Variants in TJP1 observed in about 807,000 individuals in gnomAD.
The protein encoded by TJP1 is tight junction protein 1.
Under a neutral mutation model 194.2 loss-of-function variants are expected in TJP1, and 43 were observed. That is an observed-to-expected ratio of 0.22 (90% CI 0.17 to 0.29). The LOEUF is 0.29. Among genes scored for constraint, TJP1 ranks in the 10% least tolerant of loss-of-function variants. The probability of loss-of-function intolerance (pLI) is 1.00; values close to 1 mark genes in which losing one functional copy is unlikely to be tolerated. For missense variants in TJP1, 1,971 were observed against 2,185.7 expected, an observed-to-expected ratio of 0.90 and a Z score of 1.96; for synonymous variants, 801 against 779.0, an observed-to-expected ratio of 1.03 and a Z score of -0.47.
chr15:29,796,082 C>G (rs920424437), intron 2 of TJP1, among the ~76,000 whole-genome samples: 1 of 151,458 alleles, frequency 6.6e-6, no homozygotes, highest in African/African-American at 2.4e-5. Context: ...AAAAAAAAAA[C>G]CACTTACTGG....
In TJP1 at chr15:29,933,780, C is replaced by G. The variant is rs188464201; in HGVS notation, c.306+22452G>C. The stretch of plus-strand genomic sequence containing the variant: ...AAGATGCTGGGAAGAGAGAAGTAAA[C>G]AAAAACACAAATGCCTGAAAGCAGA... On this transcript the variant is annotated intron_variant, in intron 2 of 28. Coordinates refer to the TJP1 transcript ENST00000356107. Among the ~76,000 whole-genome samples, 24 of 152,104 alleles carry G rather than the reference C, an allele frequency of 1.6e-4. No homozygotes were observed. In the East Asian group the frequency reaches 2.9e-3, roughly 18 times the overall value.
intron 2 of TJP1, among the ~76,000 whole-genome samples, chr15:29,942,679 C>T (rs1296437364): frequency 6.6e-6 from 1 of 152,214 alleles, no homozygotes; most frequent in East Asian, 1.9e-4. Context: ...GACTCCTTTA[C>T]CACACAGCGG....
chr15:29,727,857 T>C, intron 16 of TJP1, 80 bp downstream of exon 16: 1 of 1,211,104 alleles, frequency 8.3e-7, no homozygotes, highest in East Asian at 2.4e-5. Flanking sequence ...AAAACTACCT[T>C]CTACTTTCAA....
intron 2 of TJP1, among the ~76,000 whole-genome samples, chr15:29,844,340 A>T (rs554350093): frequency 6.6e-6 from 1 of 152,286 alleles, no homozygotes; most frequent in Non-Finnish European, 1.5e-5. Flanking sequence ...AAGTTCTGGG[A>T]TTACAGGCAT....
chr15:29,926,444 T>C (rs914189653), intron 2 of TJP1, among the ~76,000 whole-genome samples: 4 of 152,018 alleles, frequency 2.6e-5, no homozygotes, highest in Non-Finnish European at 5.9e-5. Context: ...AAACCGTCTC[T>C]ACAAAAAAAT....
intron 23 of TJP1, among the ~76,000 whole-genome samples, chr15:29,711,321 T>C (rs1278722674): frequency 6.6e-6 from 1 of 152,178 alleles, no homozygotes; most frequent in Non-Finnish European, 1.5e-5. Context: ...TAAGAAAGTC[T>C]TGCAAATATT....
intron 2 of TJP1, among the ~76,000 whole-genome samples, chr15:29,835,334 A>G (rs146151569): frequency 6.6e-6 from 1 of 152,368 alleles, no homozygotes; most frequent in African/African-American, 2.4e-5. Flanking sequence ...AAAGTTTTAT[A>G]AAAGCTGGGC....
At chr15:29,867,364 C>T (rs936649879) in intron 2 of TJP1, among the ~76,000 whole-genome samples, 1 of 152,178 alleles carries the variant, frequency 6.6e-6, no homozygotes, top group Admixed American at 6.5e-5. Context: ...AAGGGCAAAA[C>T]AGTAAAACTG....
Position 29,858,957 on chromosome 15 carries a change from C to T in TJP1, c.307-58255G>A, listed in dbSNP as rs78971912. On this transcript the variant is annotated intron_variant, in intron 2 of 28. Coordinates refer to the TJP1 transcript ENST00000356107. ...ATCCTCCAGCCTCAGCCTCCCATAA[C>T]GCTGGGATTACTAGTACGAGCCACT... is the stretch of plus-strand genomic sequence containing the variant. Among the ~76,000 whole-genome samples the T allele has an allele frequency of 5.7e-3, 867 of 152,172 alleles. 50 individuals carry two copies. In the East Asian group the frequency reaches 0.13, roughly 23 times the overall value.
intron 2 of TJP1, among the ~76,000 whole-genome samples, chr15:29,897,455 C>T (rs1239974180): frequency 1.3e-5 from 2 of 152,148 alleles, no homozygotes; most frequent in East Asian, 3.9e-4. Flanking sequence ...TGTGCTAGGG[C>T]AGTGTGGAAG....
At chr15:29,715,546 C>T (rs2042511791) in intron 23 of TJP1, among the ~76,000 whole-genome samples, 1 of 152,150 alleles carries the variant, frequency 6.6e-6, no homozygotes, top group South Asian at 2.1e-4. Context: ...CCAAGATAAT[C>T]CCAAGCCCAC....
chr15:29,960,935 G>C (rs2056133206), intron 1 of TJP1, among the ~76,000 whole-genome samples: 1 of 152,190 alleles, frequency 6.6e-6, no homozygotes, highest in Non-Finnish European at 1.5e-5. Context: ...TCTGGTGTAA[G>C]TAGAAGTGCT....
At chr15:29,755,738 A>G (rs932917995) in intron 8 of TJP1, among the ~76,000 whole-genome samples, 3 of 152,218 alleles carry the variant, frequency 2.0e-5, no homozygotes, top group South Asian at 2.1e-4. Context: ...CAAACACTTT[A>G]GAAAACAGTT....
At chr15:29,957,909 G>A (rs759514070) in intron 1 of TJP1, among the ~76,000 whole-genome samples, 2 of 152,028 alleles carry the variant, frequency 1.3e-5, no homozygotes, top group African/African-American at 2.4e-5. Context: ...TAAATACAAG[G>A]GCAACTTTAT....
At chr15:29,968,642 C>T (rs1596342450) in intron 1 of TJP1, 1 of 1,026,632 alleles carries the variant, frequency 9.7e-7, no homozygotes, top group African/African-American at 1.7e-5. Context: ...CCGGCTGGGG[C>T]TCCGCGCCCG....
chr15:29,787,175 T>A (rs1024385560), intron 2 of TJP1, among the ~76,000 whole-genome samples: 3 of 152,178 alleles, frequency 2.0e-5, no homozygotes, highest in African/African-American at 7.2e-5. Flanking sequence ...TATGATTCAA[T>A]GGTTTTTAGT....
intron 2 of TJP1, among the ~76,000 whole-genome samples, chr15:29,932,502 T>C (rs760874623): frequency 1.3e-5 from 2 of 151,828 alleles, no homozygotes; most frequent in Non-Finnish European, 2.9e-5. Context: ...GACTCAAATG[T>C]AAAAAGCAAA....
chr15:29,708,469 C>G lies in TJP1; in HGVS notation c.4850+90G>C, dbSNP rs2042041355. On this transcript the variant is annotated intron_variant, in intron 25 of 27. Coordinates refer to ENST00000614355, the MANE Select transcript of TJP1 (RefSeq NM_001330239.4). ...AGTTTAAAGGTTGAGTTAAAAAGAT[C>G]ACTTTAAAGTCCCAAGTCAAATAAA... The G allele has an allele frequency of 2.9e-6, 3 of 1,052,242 alleles. No homozygotes were observed. The Admixed American group carries it at 6.6e-5, about 23-fold the overall frequency. The allele number at this position is 1,052,242 out of a possible 1,614,324, so 65.2% of individuals were successfully genotyped here.
intron 2 of TJP1, among the ~76,000 whole-genome samples, chr15:29,935,476 C>A (rs530192833): frequency 6.6e-6 from 1 of 152,220 alleles, no homozygotes; most frequent in East Asian, 1.9e-4. Flanking sequence ...ATGACTAGGA[C>A]AGGACAGTCA....
Sources: allele counts gnomAD v4.1 joint callset (sites outside exome capture counted in the v4.1 genomes callset), GRCh38; gene constraint gnomAD v4.1.1; transcripts MANE v1.5; gene names NCBI Gene and HGNC (gene_info 2026-07-23, HGNC 2026-07-21).